UMOD: variants seen among roughly 807,000 people sequenced by gnomAD.
The protein encoded by UMOD is Tamm-Horsfall urinary glycoprotein.
UMOD carries 64 observed loss-of-function variants against 66.0 expected under a neutral mutation model. The observed-to-expected ratio is 0.97, with a 90% CI of 0.79 to 1.19. The LOEUF (loss-of-function observed/expected upper bound fraction) is 1.19, where lower values mean the gene tolerates loss of function less well. Ranked by LOEUF, UMOD falls within the 50% of genes most tolerant of loss-of-function variation. The pLI, the probability that UMOD is intolerant of heterozygous loss-of-function variation, is 0.00. For missense variants in UMOD, 764 were observed against 850.9 expected, an observed-to-expected ratio of 0.90 and a Z score of 1.27; for synonymous variants, 398 against 352.7, an observed-to-expected ratio of 1.13 and a Z score of -1.44.
chr16:20,348,900 A>C lies in UMOD; in HGVS notation c.401T>G (p.Leu134Trp). The C allele has an allele frequency of 1.3e-6, 2 of 1,558,864 alleles. No homozygotes were observed. The highest frequency in any genetic ancestry group is 1.7e-6 in the Non-Finnish European group (2 of 1,152,092). ...ATCVNVVGSY[L>W]CVCPAGYRGD... ...CCGGTAGCCCGCGGGGCATACGCAC[A>C]AGTAGCTGCCCACCACATTGACACA... The change falls in exon 3 of 11, where the codon TTG (leucine) becomes TGG (tryptophan). Residue 134 changes from leucine (L) to tryptophan (W), a missense_variant. Transcript: ENST00000396138.
chr16:20,355,478 ACTGC>A (rs1419337358), upstream of UMOD, among the ~76,000 whole-genome samples: 103 of 149,054 alleles, frequency 6.9e-4, no homozygotes, highest in African/African-American at 2.5e-3. Flanking sequence ...GTCTTGGCTC[ACTGC>A]AACCTCCACC....
At chr16:20,347,352 G>C (rs1055360317) in intron 4 of UMOD, among the ~76,000 whole-genome samples, 3 of 152,296 alleles carry the variant, frequency 2.0e-5, no homozygotes, top group Non-Finnish European at 4.4e-5. Context: ...CAGAGAGCAG[G>C]CCTCGGGCTG....
upstream of UMOD, among the ~76,000 whole-genome samples, chr16:20,353,266 A>G (rs4293393): frequency 0.2 from 29,760 of 152,132 alleles, 3,025 homozygotes; most frequent in South Asian, 0.28. Flanking sequence ...AAGGTAGTTC[A>G]GACATCACTG....
chr16:20,347,571 A>G (rs1221297153), intron 4 of UMOD, among the ~76,000 whole-genome samples: 2 of 152,192 alleles, frequency 1.3e-5, no homozygotes, highest in African/African-American at 2.4e-5. Context: ...AACTTGCCAC[A>G]GACAGATGAA....
upstream of UMOD, among the ~76,000 whole-genome samples, chr16:20,354,646 G>A (rs1966004515): frequency 6.6e-6 from 1 of 152,074 alleles, no homozygotes; most frequent in South Asian, 2.1e-4. Flanking sequence ...GGCTTCTGGA[G>A]TTTTCTTGAC....
chr16:20,341,475 T>C, intron 6 of UMOD, 139 bp from the exon 7 acceptor site: 1 of 1,495,858 alleles, frequency 6.7e-7, no homozygotes, highest in East Asian at 2.4e-5. Flanking sequence ...ACCCACCAAC[T>C]GTTGCTTTGC....
chr16:20,350,918 G>C (rs1965859360), intron 1 of UMOD, 79 bp from the exon 2 acceptor site: 1 of 1,401,542 alleles, frequency 7.1e-7, no homozygotes. Flanking sequence ...TGATTGTATA[G>C]TATACAACTC....
intron 5 of UMOD, among the ~76,000 whole-genome samples, chr16:20,344,731 T>A (rs917219680): frequency 3.3e-5 from 5 of 152,104 alleles, no homozygotes; most frequent in African/African-American, 1.2e-4. Context: ...CATGCGCATA[T>A]GTCATGTGCC....
chr16:20,344,480 G>A lies in UMOD; in HGVS notation c.1183-308C>T, dbSNP rs1965426188. On this transcript the variant is annotated intron_variant, in intron 5 of 10. Coordinates refer to ENST00000396138, the MANE Select transcript of UMOD (RefSeq NM_003361.4). ...TAGCCGGGCGTGGTGGTGGGTGCCT[G>A]TAATCCCAACTACTCGGGAGGCTGA... Among the ~76,000 whole-genome samples, 5 of 152,050 alleles carry A rather than the reference G, an allele frequency of 3.3e-5. No homozygotes were observed. The South Asian group carries it at 1.0e-3, about 32-fold the overall frequency.
At chr16:20,341,773 G>A (rs148604372) in intron 6 of UMOD, among the ~76,000 whole-genome samples, 2 of 152,314 alleles carry the variant, frequency 1.3e-5, no homozygotes, top group African/African-American at 2.4e-5. Flanking sequence ...CAGGTTAAAA[G>A]GTATTGAGCT....
Position 20,348,591 on chromosome 16 carries a change from G to A in UMOD, c.710C>T (p.Ser237Phe), listed in dbSNP as rs1202784623. The change falls in exon 3 of 11, where the codon TCC becomes TTC. Residue 237 changes from serine to phenylalanine, a missense_variant. By Grantham distance (155) the Ser-to-Phe change is radical. Transcript: ENST00000396138. ...GCGGCTCACGATGCCCTCGTCGCTG[G>A]ACGGATGCGTGCCATTGAGCCACAT... is the stretch of plus-strand genomic sequence containing the variant. ...APMWLNGTHP[S>F]SDEGIVSRKA... The A allele has an allele frequency of 1.3e-6, 2 of 1,592,388 alleles. No individual in the cohort carries two copies. The highest frequency in any genetic ancestry group is 1.7e-6 in the Non-Finnish European group (2 of 1,174,454).
chr16:20,356,149 A>C (rs979814749), upstream of UMOD: 2 of 152,198 alleles, frequency 1.3e-5, no homozygotes, highest in Non-Finnish European at 2.9e-5. Context: ...AAATGAGCCA[A>C]GGGAGAAGAT....
Position 20,335,483 on chromosome 16 carries a change from C to A in UMOD, c.1860G>T (p.Leu620Phe). Reference protein sequence around the residue: ...QATVSRAFSSLGLLKVWLPLL... With the variant: ...QATVSRAFSSFGLLKVWLPLL... ...ACTGCAGAAAGGACCTGAACTTACCCAAGCTGCTAAAAGCCCTTGAGACTG... is the reference window on the plus strand; with the variant it reads ...ACTGCAGAAAGGACCTGAACTTACCAAAGCTGCTAAAAGCCCTTGAGACTG... Residue 620 changes from leucine to phenylalanine, a missense_variant and splice_region_variant, in exon 10 of 11, where the codon TTG becomes TTT. Leu to Phe is a conservative substitution (Grantham distance 22). Transcript: ENST00000396138. 2 of 1,614,114 alleles carry A rather than the reference C, an allele frequency of 1.2e-6. No homozygotes were observed. The highest frequency in any genetic ancestry group is 2.2e-5 in the South Asian group (2 of 91,058).
chr16:20,336,784 T>C, intron 8 of UMOD, 57 bp from the exon 9 acceptor site: 1 of 1,540,486 alleles, frequency 6.5e-7, no homozygotes, highest in Non-Finnish European at 9.0e-7. Context: ...AATGTGGTTC[T>C]GCCACGTGGA....
chr16:20,353,760 C>CTT (rs11363409), upstream of UMOD, among the ~76,000 whole-genome samples: 6 of 147,574 alleles, frequency 4.1e-5, no homozygotes, highest in Admixed American at 6.7e-5. Flanking sequence ...CTGCATTGAT[C>CTT]TTTTTTTTTT....
rs768490922 is a variant in UMOD, at chr16:20,341,185, C to T, written c.1483G>A (p.Asp495Asn). The T allele has an allele frequency of 6.8e-6, 11 of 1,613,870 alleles. No individual in the cohort carries two copies. Among genetic ancestry groups the T allele is most frequent in the African/African-American group, 2.7e-5 (2 of 74,850 alleles). ...ATGAGCAGTGCAAATCGGGACAGGT[C>T]GCCCCCATCCAACATGGTGCCCACG... is the stretch of plus-strand genomic sequence containing the variant. ...LYVGTMLDGG[D>N]LSRFALLMTN... Residue 495 changes from aspartate to asparagine, a missense_variant, in exon 7 of 11, where the codon GAC becomes AAC. Asp to Asn is a conservative substitution (Grantham distance 23, BLOSUM62 1). Transcript: ENST00000396138.
intron 1 of UMOD, chr16:20,351,586 T>G: frequency 6.5e-6 from 1 of 152,772 alleles, no homozygotes; most frequent in Non-Finnish European, 1.5e-5. Flanking sequence ...CGTTTTTGTC[T>G]GTGAAATGGA....
Position 20,337,335 on chromosome 16 carries a change from A to T in UMOD, c.1696T>A (p.Cys566Ser). 6.2e-7 allele frequency: 1 copy of T among 1,614,234 alleles called. No individual in the cohort carries two copies. Among genetic ancestry groups the T allele is most frequent in the Non-Finnish European group, 8.5e-7 (1 of 1,180,044 alleles). ...AGNYDLVYLH[C>S]EVYLCDTMNE... ...ATGGTGTCACAGAGATAGACTTCAC[A>T]GTGCAGGTAGACTAGGTCATAGTTT... The change falls in exon 8 of 11, where the codon TGT (cysteine) becomes AGT (serine). Residue 566 changes from cysteine (C) to serine (S), a missense_variant. Coordinates refer to ENST00000396138, the MANE Select transcript of UMOD (RefSeq NM_003361.4).
At position 20,336,675 on chromosome 16, in the gene UMOD, A is replaced by G. The variant is rs1322836318; in HGVS notation, c.1793T>C (p.Val598Ala). 8 of 1,614,000 alleles carry G rather than the reference A, an allele frequency of 5.0e-6. No homozygotes were observed. The highest frequency in any genetic ancestry group is 6.8e-6 in the Non-Finnish European group (8 of 1,179,996). Residue 598 changes from valine (V) to alanine (A), a missense_variant, in exon 9 of 11, where the codon GTC (valine) becomes GCC (alanine). By Grantham distance (64) the Val-to-Ala change is moderately conservative. Transcript: ENST00000396138. ...CCGTGTGATGGGACCCAAGTTCAGG[A>G]CACGGGATTGATCTATGACACTCCC... Reference protein sequence around the residue: ...RSGSVIDQSRVLNLGPITRKG... With the variant: ...RSGSVIDQSRALNLGPITRKG...
Sources: allele counts gnomAD v4.1 joint callset (sites outside exome capture counted in the v4.1 genomes callset), GRCh38; gene constraint gnomAD v4.1.1; transcripts MANE v1.5; gene names NCBI Gene and HGNC (gene_info 2026-07-23, HGNC 2026-07-21).